SDS: variants seen among roughly 807,000 people sequenced by gnomAD.
The protein encoded by SDS is L-serine dehydratase/L-threonine deaminase.
A neutral mutation model predicts 29.3 loss-of-function variants in SDS; 19 were observed. That is an observed-to-expected ratio of 0.65 (90% confidence interval 0.45 to 0.95). The LOEUF is 0.95. SDS is among the 40% of genes least tolerant of loss of function. The pLI is 0.00. For synonymous variants in SDS, 176 were observed against 189.0 expected (o/e 0.93, Z 0.56); for missense variants, 375 against 439.9 (o/e 0.85, Z 1.32).
At chr12:113,399,066 C>T in intron 3 of SDS, 46 bp downstream of exon 3, 1 of 1,606,792 alleles carries the variant, frequency 6.2e-7, no homozygotes, top group Non-Finnish European at 8.5e-7. Flanking sequence ...AGTGTCTGAT[C>T]CCAGGACACA....
In SDS at chr12:113,399,154, G is replaced by C; in HGVS notation, c.154-3C>G. 1.2e-6 allele frequency: 2 copies of C among 1,613,804 alleles called. No homozygotes were observed. Among genetic ancestry groups the C allele is most frequent in the South Asian group, 2.2e-5 (2 of 91,032 alleles). On this transcript the variant is annotated splice_polypyrimidine_tract_variant and splice_region_variant and intron_variant, in intron 2 of 7. Coordinates refer to ENST00000257549, the MANE Select transcript of SDS (RefSeq NM_006843.3). ...TGTGCACAGCCTTGCTTGGCCCACT[G>C]TGGAGACAACAGGAGAGGCACTCAG...
intron 1 of SDS, among the ~76,000 whole-genome samples, chr12:113,403,554 G>T (rs922917890): frequency 1.4e-5 from 2 of 147,974 alleles, no homozygotes; most frequent in Admixed American, 6.6e-5. Flanking sequence ...TGTAGAGATT[G>T]GGGGGGGTCT....
chr12:113,398,884 A>C, intron 3 of SDS, 38 bp from the exon 4 acceptor site: 1 of 1,564,960 alleles, frequency 6.4e-7, no homozygotes, highest in Non-Finnish European at 8.7e-7. Flanking sequence ...TCAGTGCGGG[A>C]GCATCTGGGA....
chr12:113,398,892 G>A, intron 3 of SDS, 46 bp from the exon 4 acceptor site: 2 of 1,561,160 alleles, frequency 1.3e-6, no homozygotes, highest in Non-Finnish European at 1.7e-6. Flanking sequence ...GGAGCATCTG[G>A]GAGCCCAGGC....
At position 113,397,347 on chromosome 12, in the gene SDS, C is replaced by T; in HGVS notation, c.471G>A (p.Trp157Ter). 1.2e-6 allele frequency: 2 copies of T among 1,613,556 alleles called. No individual in the cohort carries two copies. The highest frequency in any genetic ancestry group is 1.7e-6 in the Non-Finnish European group (2 of 1,179,546). Residue 157 changes from tryptophan (W) to a stop codon, truncating the protein, a stop_gained, in exon 6 of 8, where the codon TGG (tryptophan) becomes TGA (stop). Coordinates refer to ENST00000257549, the MANE Select transcript of SDS (RefSeq NM_006843.3). LOFTEE classifies it high-confidence loss of function. ...ACAGCGCGATGGCCCCCGGCTTTTC[C>T]CACAGTGTCTCCTTCAGCTCTTTCA... ...SIVKELKETL[W>*]EKPGAIALSV...
At position 113,399,556 on chromosome 12, in the gene SDS, C is replaced by G; in HGVS notation, c.153G>C (p.Arg51Ser). ...AGATAATGCTGACCCGGTCCCGTAC[C>G]CTCTTGCAGAAGTGCCCAATGCCCC... ...KIRGIGHFCK[R>S]WAKQGCAHFV... The change falls in exon 2 of 8, where the codon AGG becomes AGC. Residue 51 changes from arginine (R) to serine (S), a missense_variant and splice_region_variant. By Grantham distance (110) the Arg-to-Ser change is moderately radical (BLOSUM62 -1). Transcript: ENST00000257549. 6.3e-7 allele frequency: 1 copy of G among 1,579,804 alleles called. No individual in the cohort carries two copies. The highest frequency in any genetic ancestry group is 1.4e-5 in the African/African-American group (1 of 74,068).
intron 1 of SDS, among the ~76,000 whole-genome samples, chr12:113,401,041 G>A (rs1957681946): frequency 6.6e-6 from 1 of 151,990 alleles, no homozygotes; most frequent in South Asian, 2.1e-4. Context: ...GTGAACCCGG[G>A]AGGCGGAGCT....
At chr12:113,394,491 C>A (rs1175214733) in intron 6 of SDS, among the ~76,000 whole-genome samples, 1 of 151,908 alleles carries the variant, frequency 6.6e-6, no homozygotes, top group Non-Finnish European at 1.5e-5. Context: ...AGGTGCCCAC[C>A]ACCACACCCG....
intron 5 of SDS, 118 bp downstream of exon 5, chr12:113,398,397 C>G (rs913029749): frequency 1.5e-6 from 1 of 685,906 alleles, no homozygotes; most frequent in East Asian, 2.6e-5. Flanking sequence ...TGGTGGTGTG[C>G]GCACACATGT....
rs148361294 is a variant in SDS at position 113,398,569 on chromosome 12, G to A, written c.371C>T (p.Ala124Val). ...DEAFELAKALAKNNPGWVYIP... is the reference protein window; with the variant it reads ...DEAFELAKALVKNNPGWVYIP... Reference sequence around the variant, plus strand: ...GTAGACCCAACCCGGGTTGTTCTTCGCTAGGGCCTTGGCCAGCTCGAAGGC... The same window carrying A: ...GTAGACCCAACCCGGGTTGTTCTTCACTAGGGCCTTGGCCAGCTCGAAGGC... The change falls in exon 5 of 8, where the codon GCG becomes GTG. Residue 124 changes from alanine (A) to valine (V), a missense_variant. Coordinates refer to ENST00000257549, the MANE Select transcript of SDS (RefSeq NM_006843.3). 1.5e-4 allele frequency: 245 copies of A among 1,595,464 alleles called. No individual in the cohort carries two copies. Among genetic ancestry groups the A allele is most frequent in the South Asian group, 5.8e-4 (52 of 89,692 alleles).
chr12:113,393,321 G>C (rs993107775), intron 7 of SDS, among the ~76,000 whole-genome samples, 172 bp from the exon 8 acceptor site: 4 of 152,250 alleles, frequency 2.6e-5, no homozygotes, highest in African/African-American at 9.6e-5. Flanking sequence ...GCCCTTCCAA[G>C]CCTGAGCCAG....
At chr12:113,393,209 G>A in intron 7 of SDS, 60 bp from the exon 8 acceptor site, 1 of 1,513,478 alleles carries the variant, frequency 6.6e-7, no homozygotes, top group Non-Finnish European at 9.2e-7. Context: ...CACAGGAGCT[G>A]ACAGGCCATT....
chr12:113,393,176 C>A, intron 7 of SDS, 27 bp from the exon 8 acceptor site: 1 of 1,609,626 alleles, frequency 6.2e-7, no homozygotes, highest in East Asian at 2.2e-5. Context: ...GTGACAGGGG[C>A]GTGGCCTGAG....
At chr12:113,401,125 C>CA (rs1433578841) in intron 1 of SDS, among the ~76,000 whole-genome samples, 1 of 152,092 alleles carries the variant, frequency 6.6e-6, no homozygotes, top group Non-Finnish European at 1.5e-5. Context: ...AACAAACAAA[C>CA]AAACAAACAA....
intron 1 of SDS, among the ~76,000 whole-genome samples, chr12:113,403,202 C>T (rs1397187957): frequency 2.6e-5 from 4 of 152,134 alleles, no homozygotes; most frequent in African/African-American, 9.7e-5. Flanking sequence ...TAATTGCTCA[C>T]TGCAGACTCG....
chr12:113,401,974 G>A (rs1301515865), intron 1 of SDS, among the ~76,000 whole-genome samples: 1 of 152,114 alleles, frequency 6.6e-6, no homozygotes, highest in Non-Finnish European at 1.5e-5. Flanking sequence ...ACCTTGTCCA[G>A]CCCCCTGTCC....
chr12:113,393,132 CCAGGATCTTCT>C lies in SDS; in HGVS notation c.785_795del (p.Glu262GlyfsTer14). On this transcript the variant is annotated frameshift_variant, in exon 8 of 8. Coordinates refer to ENST00000257549, the MANE Select transcript of SDS (RefSeq NM_006843.3). LOFTEE classifies it high-confidence loss of function. ...AGGGCTGCCCCGCAGGCGGGCTCCA[CCAGGATCTTCT>C]CATCATCTGCCAGAGAAGGGGCGTG... 2 of 1,613,884 alleles carry C rather than the reference CCAGGATCTTCT, an allele frequency of 1.2e-6. No homozygotes were observed. The highest frequency in any genetic ancestry group is 1.7e-6 in the Non-Finnish European group (2 of 1,179,996).
intron 1 of SDS, among the ~76,000 whole-genome samples, chr12:113,401,588 A>T (rs972882835): frequency 3.9e-5 from 6 of 152,092 alleles, no homozygotes; most frequent in Non-Finnish European, 5.9e-5. Context: ...CAGGAAGGGG[A>T]ATATTAACAT....
intron 1 of SDS, among the ~76,000 whole-genome samples, chr12:113,401,587 G>T (rs1459891715): frequency 6.6e-6 from 1 of 152,106 alleles, no homozygotes; most frequent in African/African-American, 2.4e-5. Context: ...ACAGGAAGGG[G>T]AATATTAACA....
Sources: allele counts gnomAD v4.1 joint callset (sites outside exome capture counted in the v4.1 genomes callset), GRCh38; gene constraint gnomAD v4.1.1; transcripts MANE v1.5; gene names NCBI Gene and HGNC (gene_info 2026-07-23, HGNC 2026-07-21).